The following PRKD1 variants were observed in gnomAD, a reference collection of about 807,000 sequenced individuals.
PRKD1 encodes serine/threonine-protein kinase D1.
In PRKD1, 63 loss-of-function variants were observed where a neutral mutation model predicts 95.9. The observed-to-expected ratio is 0.66, with a 90% CI of 0.54 to 0.81. The LOEUF (loss-of-function observed/expected upper bound fraction) is 0.81, where lower values mean the gene tolerates loss of function less well. PRKD1 is among the 30% of genes least tolerant of loss of function. PRKD1 has a pLI of 0.00. For missense variants in PRKD1, 1,048 were observed against 1,165.3 expected (o/e 0.90, Z 1.47); for synonymous variants, 425 against 423.1 (o/e 1.00, Z -0.05).
chr14:29,771,197 A>G (rs1352299250), intron 1 of PRKD1, among the ~76,000 whole-genome samples: 20 of 152,110 alleles, frequency 1.3e-4, no homozygotes, highest in Admixed American at 1.3e-3. Flanking sequence ...CAACCCTTTG[A>G]TAAAGAGACT....
At chr14:29,861,265 A>T (rs1323193457) in intron 1 of PRKD1, among the ~76,000 whole-genome samples, 1 of 152,184 alleles carries the variant, frequency 6.6e-6, no homozygotes, top group African/African-American at 2.4e-5. Flanking sequence ...TCACAAACTG[A>T]GATGGTTTTA....
intron 1 of PRKD1, among the ~76,000 whole-genome samples, chr14:29,830,062 A>G (rs1284022945): frequency 6.6e-6 from 1 of 152,150 alleles, no homozygotes; most frequent in African/African-American, 2.4e-5. Flanking sequence ...CCTTTTTCTA[A>G]CATTTGTTCT....
intron 1 of PRKD1, among the ~76,000 whole-genome samples, chr14:29,755,266 T>C (rs1887645866): frequency 6.6e-6 from 1 of 152,158 alleles, no homozygotes; most frequent in Non-Finnish European, 1.5e-5. Context: ...TTTTTCTTTT[T>C]TAAAAGTGTT....
At chr14:29,841,863 CA>C (rs892254967) in intron 1 of PRKD1, among the ~76,000 whole-genome samples, 33 of 151,986 alleles carry the variant, frequency 2.2e-4, no homozygotes, top group African/African-American at 7.2e-4. Context: ...ACATGAAACA[CA>C]AACACATTGT....
At chr14:29,896,672 A>G (rs966068700) in intron 1 of PRKD1, among the ~76,000 whole-genome samples, 5 of 151,904 alleles carry the variant, frequency 3.3e-5, no homozygotes, top group Non-Finnish European at 7.4e-5. Context: ...AATGGTTGTA[A>G]AAGGCTGAGC....
At chr14:29,885,994 C>A (rs528367227) in intron 1 of PRKD1, among the ~76,000 whole-genome samples, 2 of 151,830 alleles carry the variant, frequency 1.3e-5, no homozygotes, top group East Asian at 1.9e-4. Flanking sequence ...AAAATAAACA[C>A]TTTTTTCTGT....
intron 1 of PRKD1, among the ~76,000 whole-genome samples, chr14:29,765,993 T>G (rs1888239388): frequency 6.6e-6 from 1 of 152,096 alleles, no homozygotes; most frequent in African/African-American, 2.4e-5. Context: ...AAACCATACT[T>G]TCAGCTTTGT....
At chr14:29,829,283 A>C (rs1018413176) in intron 1 of PRKD1, among the ~76,000 whole-genome samples, 4 of 152,212 alleles carry the variant, frequency 2.6e-5, no homozygotes, top group African/African-American at 9.7e-5. Flanking sequence ...TTTAAAAATA[A>C]GTTGTTTAAT....
chr14:29,689,303 G>A (rs1884092231), intron 2 of PRKD1, among the ~76,000 whole-genome samples: 1 of 151,732 alleles, frequency 6.6e-6, no homozygotes, highest in African/African-American at 2.4e-5. Flanking sequence ...AAAATGACAT[G>A]AACAGACATT....
At chr14:29,902,184 G>A (rs952274926) in intron 1 of PRKD1, among the ~76,000 whole-genome samples, 25 of 151,720 alleles carry the variant, frequency 1.6e-4, no homozygotes, top group Admixed American at 1.2e-3. Context: ...GCTTGAACCC[G>A]GGAGGCAGAG....
At chr14:29,774,205 C>T (rs766793403) in intron 1 of PRKD1, among the ~76,000 whole-genome samples, 21 of 152,160 alleles carry the variant, frequency 1.4e-4, no homozygotes, top group Admixed American at 3.3e-4. Context: ...GTGGCACCTG[C>T]TGGAGAGAAT....
At chr14:29,631,115 C>G (rs1452446939) in intron 9 of PRKD1, 94 bp from the exon 10 acceptor site, 1 of 1,158,750 alleles carries the variant, frequency 8.6e-7, no homozygotes, top group African/African-American at 1.6e-5. Flanking sequence ...AATGACATCA[C>G]AAATAGCCAC....
At chr14:29,792,166 A>C (rs1889576194) in intron 1 of PRKD1, among the ~76,000 whole-genome samples, 1 of 152,156 alleles carries the variant, frequency 6.6e-6, no homozygotes, top group Admixed American at 6.5e-5. Flanking sequence ...TTCAAAGTAC[A>C]CAAAATCGTG....
chr14:29,793,653 T>C (rs1051885415), intron 1 of PRKD1, among the ~76,000 whole-genome samples: 1 of 148,702 alleles, frequency 6.7e-6, no homozygotes, highest in African/African-American at 2.5e-5. Context: ...TGAGCGCAAG[T>C]TTTTTTTTTA....
At chr14:29,714,164 T>C (rs537402101) in intron 2 of PRKD1, among the ~76,000 whole-genome samples, 14 of 152,262 alleles carry the variant, frequency 9.2e-5, no homozygotes, top group South Asian at 8.3e-4. Context: ...ATAAGAGTAA[T>C]ATTTCTCATA....
At position 29,714,447 on chromosome 14, in the gene PRKD1, G is replaced by A. The variant is rs572467674; in HGVS notation, c.403+11089C>T. Among the ~76,000 whole-genome samples, 17 of 152,272 alleles carry A rather than the reference G, an allele frequency of 1.1e-4. No individual in the cohort carries two copies. The South Asian group carries it at 1.9e-3, about 17-fold the overall frequency. The stretch of plus-strand genomic sequence containing the variant: ...CAGTTAGAATAGCAATCATTAAAAA[G>A]TCAGGAAACAACAGATGCTGGAGAG... On this transcript the variant is annotated intron_variant, in intron 2 of 17. Transcript: ENST00000331968.
chr14:29,893,439 C>T (rs1010539312), intron 1 of PRKD1, among the ~76,000 whole-genome samples: 6 of 151,586 alleles, frequency 4.0e-5, no homozygotes, highest in Non-Finnish European at 8.8e-5. Flanking sequence ...TGGCATGTGG[C>T]ATTCTTTTTG....
At chr14:29,667,167 T>C (rs925168636) in intron 2 of PRKD1, among the ~76,000 whole-genome samples, 6 of 152,078 alleles carry the variant, frequency 3.9e-5, no homozygotes, top group African/African-American at 1.4e-4. Flanking sequence ...TATAGCACAG[T>C]ACAGCACCTG....
chr14:29,652,219 C>T (rs969239276), intron 4 of PRKD1, among the ~76,000 whole-genome samples: 3 of 152,178 alleles, frequency 2.0e-5, no homozygotes, highest in African/African-American at 7.2e-5. Context: ...GTCAGGAGTG[C>T]TGTGGAGGTC....
Sources: allele counts gnomAD v4.1 joint callset (sites outside exome capture counted in the v4.1 genomes callset), GRCh38; gene constraint gnomAD v4.1.1; transcripts MANE v1.5; gene names NCBI Gene and HGNC (gene_info 2026-07-23, HGNC 2026-07-21).